CTNNA3: variants seen among roughly 807,000 people sequenced by gnomAD.
CTNNA3 encodes the protein catenin alpha-3.
In CTNNA3, 76 loss-of-function variants were observed where a neutral mutation model predicts 95.7. That is an observed-to-expected ratio of 0.79 (90% CI 0.66 to 0.96). CTNNA3 has a LOEUF of 0.96. CTNNA3 is among the 40% of genes least tolerant of loss of function. The pLI is 0.00. For missense variants in CTNNA3, 1,191 were observed against 1,089.8 expected (o/e 1.09, Z -1.31); for synonymous variants, 431 against 374.4 (o/e 1.15, Z -1.74).
At chr10:67,586,191 T>A in intron 3 of CTNNA3, among the ~76,000 whole-genome samples, 1 of 152,076 alleles carries the variant, frequency 6.6e-6, no homozygotes, top group East Asian at 1.9e-4. Context: ...AGAAGATACT[T>A]GATATGATTT....
At chr10:65,979,631 G>T (rs2078278804) in intron 16 of CTNNA3, among the ~76,000 whole-genome samples, 1 of 151,940 alleles carries the variant, frequency 6.6e-6, no homozygotes, top group South Asian at 2.1e-4. Flanking sequence ...CTTCCACCTA[G>T]ACCCTAAAAC....
At chr10:67,115,813 G>A in intron 7 of CTNNA3, among the ~76,000 whole-genome samples, 1 of 151,840 alleles carries the variant, frequency 6.6e-6, no homozygotes, top group East Asian at 1.9e-4. Flanking sequence ...TTTTAGGTCA[G>A]AGCTGATCTT....
chr10:67,028,544 C>T (rs796630037), intron 7 of CTNNA3, among the ~76,000 whole-genome samples: 59 of 150,182 alleles, frequency 3.9e-4, no homozygotes, highest in African/African-American at 1.1e-3. Flanking sequence ...ATCGAGCAGA[C>T]ATTTTGAAAA....
chr10:66,980,982 C>T (rs1850401383), intron 7 of CTNNA3, among the ~76,000 whole-genome samples: 1 of 152,142 alleles, frequency 6.6e-6, no homozygotes, highest in East Asian at 1.9e-4. Flanking sequence ...TTTCGGCTCA[C>T]CCCAACCTCC....
At chr10:67,663,437 C>G (rs532263544) in intron 1 of CTNNA3, among the ~76,000 whole-genome samples, 2 of 151,890 alleles carry the variant, frequency 1.3e-5, no homozygotes, top group African/African-American at 4.8e-5. Flanking sequence ...AAGTGCGGTC[C>G]CCAGTCAGTA....
intron 9 of CTNNA3, among the ~76,000 whole-genome samples, chr10:66,732,567 G>GGAAGGA (rs1309193580): frequency 5.9e-5 from 9 of 152,120 alleles, no homozygotes. Context: ...CGTGGTGGCA[G>GGAAGGA]GAAGGAGAAG....
intron 13 of CTNNA3, among the ~76,000 whole-genome samples, chr10:66,273,772 CA>C (rs1453715132): frequency 1.3e-5 from 2 of 151,572 alleles, no homozygotes; most frequent in Non-Finnish European, 2.9e-5. Context: ...GAAATTAAAA[CA>C]AAAAAACAAG....
In CTNNA3 at chr10:66,668,457, T is replaced by TGTGTGTGTGA. The variant is rs777242549; in HGVS notation, c.1282-46674_1282-46673insTCACACACAC. The stretch of plus-strand genomic sequence containing the variant: ...GTGTGTGTGTGTGTGTGTGTGTGTG[T>TGTGTGTGTGA]GATACACATCCACATATATACATAC... On this transcript the variant is annotated intron_variant, in intron 9 of 17. Coordinates refer to ENST00000433211, the MANE Select transcript of CTNNA3 (RefSeq NM_013266.4). Among the ~76,000 whole-genome samples the TGTGTGTGTGA allele has an allele frequency of 7.8e-3, 1,162 of 149,788 alleles. 17 individuals are homozygous for TGTGTGTGTGA. Among genetic ancestry groups the TGTGTGTGTGA allele is most frequent in the African/African-American group, 0.027 (1,092 of 40,792 alleles).
At chr10:65,976,259 A>G (rs1447029424) in intron 16 of CTNNA3, among the ~76,000 whole-genome samples, 2 of 152,142 alleles carry the variant, frequency 1.3e-5, no homozygotes, top group Non-Finnish European at 2.9e-5. Flanking sequence ...TTATTTGTCA[A>G]TTATAAACTC....
In CTNNA3 at chr10:66,928,083, T is replaced by C. The variant is rs952590036; in HGVS notation, c.1048-152559A>G. 3.7e-6 allele frequency: 6 copies of C among 1,614,022 alleles called. No individual in the cohort carries two copies. The African/African-American group carries it at 6.7e-5, about 18-fold the overall frequency. On this transcript the variant is annotated intron_variant, in intron 7 of 17. Transcript: ENST00000433211. ...AGCCCAAGCTCCCCAGGCCGAAGCA[T>C]GAGAGCAAACCCCCTTTGCCCCCGA...
chr10:67,507,451 C>G (rs1384096712), intron 5 of CTNNA3, among the ~76,000 whole-genome samples: 3 of 151,366 alleles, frequency 2.0e-5, no homozygotes, highest in African/African-American at 7.3e-5. Flanking sequence ...TTGCTTGAAC[C>G]AGGACCCAGG....
chr10:66,965,862 C>T (rs2132799098), intron 7 of CTNNA3, among the ~76,000 whole-genome samples: 1 of 152,206 alleles, frequency 6.6e-6, no homozygotes, highest in East Asian at 1.9e-4. Flanking sequence ...ATGAAATGTG[C>T]CTTCCCATCA....
chr10:67,520,396 C>T (rs540638142), intron 5 of CTNNA3, among the ~76,000 whole-genome samples: 2 of 152,154 alleles, frequency 1.3e-5, no homozygotes, highest in African/African-American at 4.8e-5. Flanking sequence ...TAATGAGAAA[C>T]GATAACAGAA....
At chr10:66,149,033 T>A (rs1487588748) in intron 13 of CTNNA3, among the ~76,000 whole-genome samples, 1 of 151,062 alleles carries the variant, frequency 6.6e-6, no homozygotes, top group Non-Finnish European at 1.5e-5. Flanking sequence ...TAACTGTAAT[T>A]TAACTACGTA....
At chr10:67,233,070 T>C (rs189520245) in intron 5 of CTNNA3, among the ~76,000 whole-genome samples, 1,549 of 152,272 alleles carry the variant, frequency 0.01, 16 homozygotes, top group African/African-American at 0.024. Context: ...TGCGAGACTT[T>C]AACACCCCAC....
chr10:67,162,654 A>G (rs1175035589), intron 7 of CTNNA3, among the ~76,000 whole-genome samples: 1 of 151,960 alleles, frequency 6.6e-6, no homozygotes, highest in African/African-American at 2.4e-5. Flanking sequence ...AGAAGAAAAT[A>G]ATAAAGAACA....
chr10:65,996,905 C>T (rs191164202), intron 15 of CTNNA3, among the ~76,000 whole-genome samples: 49 of 152,236 alleles, frequency 3.2e-4, no homozygotes, highest in African/African-American at 1.1e-3. Flanking sequence ...TATGTACTTG[C>T]TATTTTAGTT....
intron 12 of CTNNA3, among the ~76,000 whole-genome samples, chr10:66,366,474 A>C (rs572603376): frequency 6.6e-6 from 1 of 152,276 alleles, no homozygotes; most frequent in South Asian, 2.1e-4. Flanking sequence ...TAGGACCTTT[A>C]AAAGATGAAG....
At chr10:66,967,892 A>G (rs1183964354) in intron 7 of CTNNA3, among the ~76,000 whole-genome samples, 4 of 152,154 alleles carry the variant, frequency 2.6e-5, no homozygotes, top group African/African-American at 7.2e-5. Flanking sequence ...AAGTCATTGT[A>G]CTACTGAATA....
Sources: gnomAD v4.1 joint callset for allele counts (sites outside exome capture counted in the v4.1 genomes callset) on GRCh38, gnomAD v4.1.1 for gene constraint, MANE v1.5 for transcripts, NCBI Gene and HGNC (gene_info 2026-07-23, HGNC 2026-07-21) for gene names.